PDXDC1: variants seen among roughly 807,000 people sequenced by gnomAD.
The protein encoded by PDXDC1 is pyridoxal dependent decarboxylase domain containing 1.
PDXDC1 carries 42 observed loss-of-function variants against 100.1 expected under a neutral mutation model. The ratio of observed to expected loss-of-function variants is 0.42; its 90% CI spans 0.33 to 0.54. The LOEUF (loss-of-function observed/expected upper bound fraction) is 0.54. Among genes scored for constraint, PDXDC1 ranks in the 20% least tolerant of loss-of-function variants. The probability of loss-of-function intolerance (pLI) is 0.10; values close to 1 mark genes in which losing one functional copy is unlikely to be tolerated. For synonymous variants in PDXDC1, 260 were observed against 371.7 expected, an observed-to-expected ratio of 0.70 and a Z score of 3.46; for missense variants, 636 against 979.2, an observed-to-expected ratio of 0.65 and a Z score of 4.68.
chr16:15,072,202 A>G (rs1395983440), intron 16 of PDXDC1, among the ~76,000 whole-genome samples: 5 of 151,526 alleles, frequency 3.3e-5, no homozygotes, highest in Admixed American at 1.3e-4. Context: ...AAGCCACAAA[A>G]TCGTTGCAGA....
chr16:15,097,379 C>T (rs527604553), intron 16 of PDXDC1, among the ~76,000 whole-genome samples: 9 of 146,630 alleles, frequency 6.1e-5, no homozygotes, highest in Admixed American at 2.2e-4. Flanking sequence ...AATCCCAGCA[C>T]TTTGGGAGGC....
At chr16:15,061,843 C>T in intron 16 of PDXDC1, 2 of 1,614,050 alleles carry the variant, frequency 1.2e-6, no homozygotes, top group Non-Finnish European at 8.5e-7. Flanking sequence ...TGATCCCAAT[C>T]ACGGTATCAT....
intron 16 of PDXDC1, among the ~76,000 whole-genome samples, chr16:15,124,078 C>T (rs1436767610): frequency 6.6e-6 from 1 of 152,200 alleles, no homozygotes; most frequent in Admixed American, 6.5e-5. Flanking sequence ...CAGGGACGTC[C>T]AAGGAATCTA....
At chr16:15,137,776 G>A (rs1292906028) in intron 16 of PDXDC1, 3 of 1,567,106 alleles carry the variant, frequency 1.9e-6, no homozygotes, top group South Asian at 1.1e-5. Context: ...CCAGCAAGGG[G>A]ATGCCAAGCA....
chr16:15,055,179 C>T (rs1027254535), intron 16 of PDXDC1, among the ~76,000 whole-genome samples: 2 of 152,150 alleles, frequency 1.3e-5, no homozygotes, highest in Admixed American at 1.3e-4. Context: ...CCCGCCGCCA[C>T]GCCCCGCTCT....
chr16:15,032,005 G>A (rs905521782), intron 17 of PDXDC1, 99 bp downstream of exon 17: 1 of 1,071,106 alleles, frequency 9.3e-7, no homozygotes, highest in South Asian at 1.5e-5. Flanking sequence ...AGATGAACGT[G>A]TAGTCACAAT....
intron 16 of PDXDC1, chr16:15,128,271 G>T (rs536028009): frequency 1.9e-6 from 3 of 1,611,094 alleles, no homozygotes; most frequent in East Asian, 4.5e-5. Flanking sequence ...GGCTGTGCGG[G>T]GTGGCGATCC....
intron 1 of PDXDC1, chr16:14,988,119 A>G (rs1056551882): frequency 2.4e-6 from 3 of 1,253,894 alleles, no homozygotes; most frequent in African/African-American, 1.5e-5. Context: ...GTGTATCCAC[A>G]CTCGCTTCTG....
In PDXDC1 at chr16:15,071,334, C is replaced by T. The variant is rs1402953166; in HGVS notation, c.1399+41278C>T. 15 of 1,314,866 alleles carry T rather than the reference C, an allele frequency of 1.1e-5. No individual in the cohort carries two copies. In the East Asian group the frequency reaches 3.1e-4, roughly 27 times the overall value. 81.4% of individuals were successfully genotyped at this position (1,314,866 alleles called of 1,614,324 possible). Reference sequence around the variant, plus strand: ...TCAAAATCCCAAGATTTTTACTTCACCAATGTAGGGAAAAGTTCTACTATC... The same window carrying T: ...TCAAAATCCCAAGATTTTTACTTCATCAATGTAGGGAAAAGTTCTACTATC... On this transcript the variant is annotated intron_variant, in intron 16 of 16. Coordinates refer to the PDXDC1 transcript ENST00000535621.
chr16:15,008,361 G>T (rs2040962010), intron 6 of PDXDC1, among the ~76,000 whole-genome samples: 1 of 152,384 alleles, frequency 6.6e-6, no homozygotes, highest in East Asian at 1.9e-4. Context: ...CTTTTTAGGG[G>T]TGGGTGAACC....
In PDXDC1 at chr16:15,049,943, T is replaced by G. The variant is rs544601247; in HGVS notation, c.1399+19887T>G. Among the ~76,000 whole-genome samples, 60 of 152,336 alleles carry G rather than the reference T, an allele frequency of 3.9e-4. No homozygotes were observed. The South Asian group carries it at 0.012, about 31-fold the overall frequency. On this transcript the variant is annotated intron_variant, in intron 16 of 16. Coordinates refer to the PDXDC1 transcript ENST00000535621. ...CCATAATACAACAATGATTAAATGC[T>G]TATACCCATAGAGAAAAATACTGGA...
chr16:14,975,280 G>A lies in PDXDC1; in HGVS notation c.21+60G>A, dbSNP rs1336824801. 3.2e-5 allele frequency: 44 copies of A among 1,380,496 alleles called. No homozygotes were observed. The East Asian group carries it at 1.2e-3, about 38-fold the overall frequency. The allele number at this position is 1,380,496 out of a possible 1,614,324, so 85.5% of individuals were successfully genotyped here. ...GCGGCCCGGGGCTCCCGCTTCCGAG[G>A]CAACTGTTTCCCAGTCGCGAGCTGC... is the stretch of plus-strand genomic sequence containing the variant. On this transcript the variant is annotated intron_variant, in intron 1 of 22. Transcript: ENST00000396410.
chr16:15,095,284 T>G (rs2046314654), intron 16 of PDXDC1, among the ~76,000 whole-genome samples: 1 of 151,904 alleles, frequency 6.6e-6, no homozygotes, highest in Admixed American at 6.6e-5. Flanking sequence ...GCCCCTACTC[T>G]CAGGGAGGGG....
the PDXDC1 span, among the ~76,000 whole-genome samples, chr16:15,149,578 G>A: frequency 2.0e-5 from 3 of 152,148 alleles, no homozygotes; most frequent in Non-Finnish European, 2.9e-5. Flanking sequence ...GGGCCCCGGG[G>A]TCTGCGCCTG....
chr16:15,055,957 G>C, intron 16 of PDXDC1: 1 of 1,228,352 alleles, frequency 8.1e-7, no homozygotes, highest in Non-Finnish European at 1.0e-6. Flanking sequence ...GCCGCCCCTC[G>C]ACGAGCAGCG....
intron 16 of PDXDC1, among the ~76,000 whole-genome samples, chr16:15,084,033 T>C (rs923804946): frequency 6.6e-6 from 1 of 152,206 alleles, no homozygotes; most frequent in African/African-American, 2.4e-5. Context: ...GAACTTACAA[T>C]GTATAGCTTC....
the PDXDC1 span, among the ~76,000 whole-genome samples, chr16:15,150,386 T>A: frequency 8.9e-5 from 13 of 145,774 alleles, no homozygotes; most frequent in East Asian, 6.1e-4. Flanking sequence ...AATAAATAAA[T>A]AAAAGACATC....
At chr16:15,049,539 G>A (rs914133213) in intron 16 of PDXDC1, among the ~76,000 whole-genome samples, 6 of 151,444 alleles carry the variant, frequency 4.0e-5, no homozygotes, top group Non-Finnish European at 5.9e-5. Flanking sequence ...AGCGATTCTC[G>A]TGCCTCAGCC....
intron 16 of PDXDC1, chr16:15,048,172 G>T: frequency 9.7e-7 from 1 of 1,034,136 alleles, no homozygotes; most frequent in Non-Finnish European, 1.5e-6. Context: ...TGTGGAGAGA[G>T]CCAAAGTGGG....
Sources: gnomAD v4.1 joint callset for allele counts (sites outside exome capture counted in the v4.1 genomes callset) on GRCh38, gnomAD v4.1.1 for gene constraint, MANE v1.5 for transcripts, NCBI Gene and HGNC (gene_info 2026-07-23, HGNC 2026-07-21) for gene names.